ACOXL: variants seen among roughly 807,000 people sequenced by gnomAD.
ACOXL encodes the protein acyl-CoA oxidase like.
Under a neutral mutation model 71.9 loss-of-function variants are expected in ACOXL, and 70 were observed. The observed-to-expected ratio is 0.97, with a 90% CI of 0.80 to 1.19. ACOXL has a LOEUF of 1.19. ACOXL is among the 50% of genes most tolerant of loss of function. The pLI, the probability that ACOXL is intolerant of heterozygous loss-of-function variation, is 0.00. For synonymous variants in ACOXL, 253 were observed against 281.6 expected, an observed-to-expected ratio of 0.90 and a Z score of 1.02; for missense variants, 703 against 736.3, an observed-to-expected ratio of 0.95 and a Z score of 0.52.
At chr2:110,745,728 G>T (rs1005821927) in intron 1 of ACOXL, among the ~76,000 whole-genome samples, 5 of 152,126 alleles carry the variant, frequency 3.3e-5, no homozygotes, top group Non-Finnish European at 5.9e-5. Flanking sequence ...AATATTACCC[G>T]TGCAAGGAAC....
intron 14 of ACOXL, among the ~76,000 whole-genome samples, chr2:111,009,999 T>G (rs968606041): frequency 9.2e-5 from 14 of 152,148 alleles, no homozygotes; most frequent in South Asian, 2.1e-4. Context: ...TAAGACTCAA[T>G]ACCCTTTAGA....
chr2:110,831,121 G>T (rs1047206573), intron 9 of ACOXL, among the ~76,000 whole-genome samples: 1 of 152,098 alleles, frequency 6.6e-6, no homozygotes, highest in Non-Finnish European at 1.5e-5. Context: ...ACACAGTTCT[G>T]GGGGTACTAG....
At chr2:110,814,423 A>AT (rs35676187) in intron 9 of ACOXL, among the ~76,000 whole-genome samples, 80 of 144,408 alleles carry the variant, frequency 5.5e-4, no homozygotes, top group Admixed American at 1.7e-3. Flanking sequence ...TGTCCAGTGG[A>AT]TTTTTTTTTT....
chr2:110,816,459 C>G (rs1330834069), intron 9 of ACOXL, among the ~76,000 whole-genome samples: 1 of 152,202 alleles, frequency 6.6e-6, no homozygotes, highest in African/African-American at 2.4e-5. Context: ...CTTTCTGTTT[C>G]TAATGTGTAT....
At chr2:111,102,184 T>A (rs554101277) in intron 17 of ACOXL, 6 of 152,402 alleles carry the variant, frequency 3.9e-5, no homozygotes, top group Non-Finnish European at 8.8e-5. Flanking sequence ...CCTTGCATGC[T>A]CCTCAGTGGT....
chr2:110,777,151 T>C (rs1333128751), intron 2 of ACOXL, among the ~76,000 whole-genome samples: 2 of 152,084 alleles, frequency 1.3e-5, no homozygotes, highest in East Asian at 3.9e-4. Flanking sequence ...CATCTAAACA[T>C]GTTTGCGATG....
chr2:111,084,899 G>GAAAAAAAAAA (rs113297442), intron 16 of ACOXL, among the ~76,000 whole-genome samples: 1 of 112,904 alleles, frequency 8.9e-6, no homozygotes, highest in African/African-American at 3.4e-5. Context: ...TGGAAAACAG[G>GAAAAAAAAAA]AAAAAAAAAA....
At chr2:110,768,509 TGTGTGAGAGA>T in intron 2 of ACOXL, 45 bp downstream of exon 2, 1 of 1,510,512 alleles carries the variant, frequency 6.6e-7, no homozygotes, top group Non-Finnish European at 9.1e-7. Flanking sequence ...TGTGTGTGTG[TGTGTGAGAGA>T]GAGAGAGAGA....
At chr2:110,871,661 G>A (rs1695295474) in intron 10 of ACOXL, among the ~76,000 whole-genome samples, 1 of 152,148 alleles carries the variant, frequency 6.6e-6, no homozygotes, top group African/African-American at 2.4e-5. Flanking sequence ...GTGGTAAGAT[G>A]AAAGTCAAGA....
At position 110,811,727 on chromosome 2, in the gene ACOXL, GCATACACACACACACACA is replaced by G. The variant is rs1297606750; in HGVS notation, c.753+6335_753+6352del. Among the ~76,000 whole-genome samples the G allele has an allele frequency of 7.7e-3, 227 of 29,336 alleles. 2 individuals carry two copies. The highest frequency in any genetic ancestry group is 0.037 in the East Asian group (38 of 1,036). 19.2% of individuals were successfully genotyped at this position (29,336 alleles called of 152,430 possible). A position where few individuals can be genotyped will look rare whatever the true frequency, so the allele number is the denominator to read the frequency against. On this transcript the variant is annotated intron_variant, in intron 9 of 17. Transcript: ENST00000439055. ...TGACGTTATCCTTTTTGTTTTTTTT[GCATACACACACACACACA>G]CACACACACACACACACACACACAC...
rs370646918 is a variant in ACOXL at position 111,058,357 on chromosome 2, A to G, written c.1440+9069A>G. Among the ~76,000 whole-genome samples the G allele has an allele frequency of 1.2e-3, 185 of 152,302 alleles. 1 individual carries two copies. The South Asian group carries it at 0.015, about 12-fold the overall frequency. On this transcript the variant is annotated intron_variant, in intron 16 of 17. Coordinates refer to ENST00000439055, the MANE Select transcript of ACOXL (RefSeq NM_001142807.4). ...CAGACTAGCAGACATTAACAGAATT[A>G]CCAGGTGTCTAGGGGGATCCCAGAC...
rs529168090 is a variant in ACOXL at position 111,063,924 on chromosome 2, G to T, written c.1440+14636G>T. ...AAGCAAGGAAAGAAGGAAGGAGAAA[G>T]AAATGAACGAAAGAGAGAGAGAAAG... On this transcript the variant is annotated intron_variant, in intron 16 of 17. Transcript: ENST00000439055. 3.3e-5 allele frequency among the ~76,000 whole-genome samples: 5 copies of T among 152,234 alleles called. No individual in the cohort carries two copies. In the East Asian group the frequency reaches 9.6e-4, roughly 29 times the overall value.
At chr2:110,853,727 C>T (rs1422440158) in intron 10 of ACOXL, among the ~76,000 whole-genome samples, 5 of 152,142 alleles carry the variant, frequency 3.3e-5, no homozygotes, top group African/African-American at 9.7e-5. Flanking sequence ...AGAGCCAGCC[C>T]GAGGCCCTTT....
chr2:110,959,404 T>A (rs1236345073), intron 12 of ACOXL, among the ~76,000 whole-genome samples: 1 of 152,140 alleles, frequency 6.6e-6, no homozygotes, highest in Non-Finnish European at 1.5e-5. Context: ...CTGCCTTTGT[T>A]TTTCTTGGGC....
At chr2:111,032,212 C>G (rs1030126667) in intron 15 of ACOXL, among the ~76,000 whole-genome samples, 4 of 152,116 alleles carry the variant, frequency 2.6e-5, no homozygotes, top group Non-Finnish European at 4.4e-5. Context: ...CAACCAGGGG[C>G]AATTTTGCAA....
At chr2:110,985,966 T>C (rs1052361219) in intron 12 of ACOXL, among the ~76,000 whole-genome samples, 20 of 152,336 alleles carry the variant, frequency 1.3e-4, no homozygotes, top group African/African-American at 4.8e-4. Context: ...TAAGAGCCTC[T>C]GTATCAATCA....
At chr2:110,902,874 G>C (rs1360328708) in intron 10 of ACOXL, among the ~76,000 whole-genome samples, 1 of 152,222 alleles carries the variant, frequency 6.6e-6, no homozygotes, top group African/African-American at 2.4e-5. Flanking sequence ...TGGTCCAGCT[G>C]CCAGGCACTT....
At chr2:110,963,732 T>C in intron 12 of ACOXL, 1 of 1,613,524 alleles carries the variant, frequency 6.2e-7, no homozygotes, top group Non-Finnish European at 8.5e-7. Context: ...CGGGAAATGT[T>C]TTCAAGATCA....
intron 14 of ACOXL, among the ~76,000 whole-genome samples, chr2:111,022,096 T>C (rs1461998720): frequency 2.0e-5 from 3 of 152,200 alleles, no homozygotes; most frequent in Non-Finnish European, 4.4e-5. Context: ...CTCATGCCTG[T>C]AATCCCAGCA....
Sources: gnomAD v4.1 joint callset for allele counts (sites outside exome capture counted in the v4.1 genomes callset) on GRCh38, gnomAD v4.1.1 for gene constraint, MANE v1.5 for transcripts, NCBI Gene and HGNC (gene_info 2026-07-23, HGNC 2026-07-21) for gene names.